TNR: variants seen among roughly 807,000 people sequenced by gnomAD.
TNR encodes tenascin R.
A neutral mutation model predicts 150.4 loss-of-function variants in TNR; 45 were observed. The observed-to-expected ratio is 0.30, with a 90% CI of 0.24 to 0.38. The LOEUF is 0.38. Among genes scored for constraint, TNR ranks in the 10% least tolerant of loss-of-function variants. TNR has a pLI of 1.00. For missense variants in TNR, 1,544 were observed against 1,759.1 expected, an observed-to-expected ratio of 0.88 and a Z score of 2.19; for synonymous variants, 687 against 678.4, an observed-to-expected ratio of 1.01 and a Z score of -0.20.
At position 175,393,768 on chromosome 1, in the gene TNR, GGTGA is replaced by G; in HGVS notation, c.1356+8_1356+11del. ...AATAAGTCTGTTTGGCAGTGTAACA[GGTGA>G]GTGTTACCTTTGGAATGAAGCTGAT... is the stretch of plus-strand genomic sequence containing the variant. On this transcript the variant is annotated splice_region_variant and intron_variant, in intron 6 of 22. Coordinates refer to ENST00000367674, the MANE Select transcript of TNR (RefSeq NM_003285.3). 2 of 1,589,330 alleles carry G rather than the reference GGTGA, an allele frequency of 1.3e-6. No individual in the cohort carries two copies. The highest frequency in any genetic ancestry group is 8.6e-7 in the Non-Finnish European group (1 of 1,157,288).
Position 175,641,826 on chromosome 1 carries a change from C to T in TNR, c.-165+101400G>A, listed in dbSNP as rs575695946. ...ATTATTGACTAGGAAAGCCTCATAG[C>T]GCAGGTTAAATAAATGAGTTATCCG... On this transcript the variant is annotated intron_variant, in intron 1 of 22. Coordinates refer to ENST00000367674, the MANE Select transcript of TNR (RefSeq NM_003285.3). Among the ~76,000 whole-genome samples, 11 of 152,058 alleles carry T rather than the reference C, an allele frequency of 7.2e-5. No individual in the cohort carries two copies. In the South Asian group the frequency reaches 8.3e-4, roughly 12 times the overall value.
intron 19 of TNR, 125 bp downstream of exon 19, chr1:175,337,403 T>A: frequency 3.5e-6 from 4 of 1,136,336 alleles, no homozygotes; most frequent in Non-Finnish European, 5.1e-6. Context: ...AGCCCCAAGA[T>A]GGACATGTGG....
intron 2 of TNR, among the ~76,000 whole-genome samples, chr1:175,518,686 C>T (rs541646441): frequency 6.6e-6 from 1 of 152,154 alleles, no homozygotes; most frequent in Non-Finnish European, 1.5e-5. Flanking sequence ...GTAGTCATCA[C>T]CTCATTATAA....
At chr1:175,712,428 G>A (rs2101937138) in intron 1 of TNR, among the ~76,000 whole-genome samples, 1 of 152,244 alleles carries the variant, frequency 6.6e-6, no homozygotes, top group African/African-American at 2.4e-5. Flanking sequence ...CCAAGCAAGA[G>A]GTGACATAAG....
intron 2 of TNR, among the ~76,000 whole-genome samples, chr1:175,479,823 G>A (rs565150813): frequency 3.3e-5 from 5 of 152,178 alleles, no homozygotes; most frequent in East Asian, 1.9e-4. Flanking sequence ...GTGGGTAGCC[G>A]CATTTTCCAG....
intron 2 of TNR, among the ~76,000 whole-genome samples, chr1:175,450,731 C>T (rs114799734): frequency 0.011 from 1,690 of 152,246 alleles, 41 homozygotes; most frequent in African/African-American, 0.039. Context: ...TGGACCTTGA[C>T]CAGGAGGGTT....
chr1:175,576,660 C>CA lies in TNR; in HGVS notation c.-164-48292dup, dbSNP rs1437517784. Among the ~76,000 whole-genome samples the CA allele has an allele frequency of 2.7e-5, 4 of 150,174 alleles. 1 individual carries two copies. The highest frequency in any genetic ancestry group is 4.4e-5 in the Non-Finnish European group (3 of 68,018). ...CACCATCCCAAGCTTGTAAATACTT[C>CA]ATAAACTTTACTATCCTTTGCTAAA... On this transcript the variant is annotated intron_variant, in intron 1 of 22. Transcript: ENST00000367674.
At chr1:175,561,948 C>T (rs1389084230) in intron 1 of TNR, among the ~76,000 whole-genome samples, 2 of 152,142 alleles carry the variant, frequency 1.3e-5, no homozygotes, top group African/African-American at 2.4e-5. Context: ...GGGACCACTC[C>T]TCACATATCA....
intron 18 of TNR, among the ~76,000 whole-genome samples, chr1:175,337,901 A>C (rs1650326971): frequency 6.6e-6 from 1 of 152,286 alleles, no homozygotes; most frequent in African/African-American, 2.4e-5. Flanking sequence ...ATTTCATGGG[A>C]TCTGAGAACT....
intron 1 of TNR, among the ~76,000 whole-genome samples, chr1:175,680,130 A>G (rs1025387495): frequency 3.9e-5 from 6 of 152,226 alleles, no homozygotes; most frequent in Non-Finnish European, 7.3e-5. Context: ...CCCAGAGTTT[A>G]TAAATAAAGC....
intron 1 of TNR, among the ~76,000 whole-genome samples, chr1:175,606,602 C>T (rs896466588): frequency 6.6e-6 from 1 of 152,118 alleles, no homozygotes; most frequent in Non-Finnish European, 1.5e-5. Flanking sequence ...TACAGGCTGG[C>T]AGAATTCCTG....
chr1:175,631,168 A>G (rs183405361), intron 1 of TNR, among the ~76,000 whole-genome samples: 4 of 152,340 alleles, frequency 2.6e-5, no homozygotes, highest in Admixed American at 2.6e-4. Context: ...AGAAATATAT[A>G]TGTGTGCATG....
intron 4 of TNR, among the ~76,000 whole-genome samples, chr1:175,397,877 G>T (rs1653507091): frequency 2.0e-5 from 3 of 152,194 alleles, no homozygotes; most frequent in East Asian, 1.9e-4. Flanking sequence ...AAGCCTTTAA[G>T]ACTAACTAAG....
intron 9 of TNR, among the ~76,000 whole-genome samples, chr1:175,371,890 G>A (rs1302166726): frequency 2.6e-5 from 4 of 152,142 alleles, no homozygotes; most frequent in African/African-American, 7.2e-5. Flanking sequence ...CTTGGAATTC[G>A]AGAGTGATTT....
intron 2 of TNR, among the ~76,000 whole-genome samples, chr1:175,469,916 G>A (rs1359409060): frequency 6.6e-6 from 1 of 152,056 alleles, no homozygotes; most frequent in African/African-American, 2.4e-5. Flanking sequence ...AGCTGCTGTG[G>A]GGTAAGTGAG....
At chr1:175,475,550 A>C (rs1393532963) in intron 2 of TNR, among the ~76,000 whole-genome samples, 1 of 152,202 alleles carries the variant, frequency 6.6e-6, no homozygotes, top group African/African-American at 2.4e-5. Flanking sequence ...CTGCTACACA[A>C]ATGCAAAATT....
chr1:175,536,150 TA>T (rs1660271589), intron 1 of TNR, among the ~76,000 whole-genome samples: 1 of 152,246 alleles, frequency 6.6e-6, no homozygotes, highest in South Asian at 2.1e-4. Context: ...TTGATAGCAA[TA>T]TTTCAATAAA....
intron 17 of TNR, 127 bp from the exon 18 acceptor site, chr1:175,354,650 T>C: frequency 8.2e-7 from 1 of 1,226,960 alleles, no homozygotes; most frequent in Admixed American, 1.9e-5. Context: ...TGTCATCCTC[T>C]CCATCCCACA....
intron 10 of TNR, 48 bp downstream of exon 10, chr1:175,367,160 G>A (rs779919949): frequency 6.3e-7 from 1 of 1,579,494 alleles, no homozygotes; most frequent in South Asian, 1.1e-5. Flanking sequence ...TGACTCCTTA[G>A]GCTTATAGGC....
Sources: allele counts gnomAD v4.1 joint callset (sites outside exome capture counted in the v4.1 genomes callset), GRCh38; gene constraint gnomAD v4.1.1; transcripts MANE v1.5; gene names NCBI Gene and HGNC (gene_info 2026-07-23, HGNC 2026-07-21).